Variants in LEKR1 observed in about 807,000 individuals in gnomAD.
LEKR1 encodes the protein protein LEKR1.
In LEKR1, 59 loss-of-function variants were observed where a neutral mutation model predicts 72.4. The observed-to-expected ratio is 0.82, with a 90% CI of 0.66 to 1.01. The LOEUF (loss-of-function observed/expected upper bound fraction) is 1.01, where lower values mean the gene tolerates loss of function less well. Among genes scored for constraint, LEKR1 ranks in the 50% least tolerant of loss-of-function variants. LEKR1 has a pLI of 0.00. For synonymous variants in LEKR1, 257 were observed against 263.2 expected, an observed-to-expected ratio of 0.98 and a Z score of 0.23; for missense variants, 728 against 759.2, an observed-to-expected ratio of 0.96 and a Z score of 0.48.
intron 2 of LEKR1, among the ~76,000 whole-genome samples, chr3:156,846,242 G>A (rs1055051643): frequency 6.6e-6 from 1 of 152,052 alleles, no homozygotes; most frequent in East Asian, 1.9e-4. Context: ...TTTCTATGTA[G>A]ATAATTATGC....
At chr3:156,827,291 A>G (rs541536571) in intron 1 of LEKR1, among the ~76,000 whole-genome samples, 1 of 152,294 alleles carries the variant, frequency 6.6e-6, no homozygotes, top group East Asian at 1.9e-4. Context: ...AAATGTAAAC[A>G]TCAAGGAAGA....
chr3:156,991,282 TC>T (rs1328111372), intron 7 of LEKR1, among the ~76,000 whole-genome samples: 61 of 152,142 alleles, frequency 4.0e-4, no homozygotes, highest in Middle Eastern at 3.4e-3. Flanking sequence ...TGGATGGTAA[TC>T]ACCAGAGTAT....
At chr3:156,918,454 A>G (rs144393504) in intron 3 of LEKR1, among the ~76,000 whole-genome samples, 1 of 152,266 alleles carries the variant, frequency 6.6e-6, no homozygotes, top group African/African-American at 2.4e-5. Flanking sequence ...CTGGCCTGGA[A>G]TGGGAATGTA....
chr3:156,932,549 C>T (rs2108577422), intron 5 of LEKR1, among the ~76,000 whole-genome samples: 1 of 152,006 alleles, frequency 6.6e-6, no homozygotes, highest in East Asian at 1.9e-4. Context: ...CCTCTCTCTA[C>T]TAAAAATACA....
intron 3 of LEKR1, among the ~76,000 whole-genome samples, chr3:156,898,403 T>C (rs1417328998): frequency 6.6e-6 from 1 of 152,090 alleles, no homozygotes; most frequent in Non-Finnish European, 1.5e-5. Flanking sequence ...AAATCAGAGC[T>C]TAGTCCTCAA....
intron 4 of LEKR1, chr3:156,924,825 C>T (rs1724552285): frequency 3.8e-6 from 1 of 261,722 alleles, no homozygotes; most frequent in African/African-American, 2.2e-5. Context: ...ATGTCAGTGC[C>T]ACACTCTCTT....
intron 3 of LEKR1, among the ~76,000 whole-genome samples, chr3:156,860,491 G>A (rs1381772908): frequency 1.3e-5 from 2 of 152,150 alleles, no homozygotes; most frequent in Non-Finnish European, 2.9e-5. Context: ...GTCAGCCCAA[G>A]GATAGGGCTA....
chr3:157,028,484 G>A (rs1037697974), intron 12 of LEKR1, 82 bp downstream of exon 12: 4 of 1,230,908 alleles, frequency 3.2e-6, no homozygotes, highest in Non-Finnish European at 1.1e-6. Flanking sequence ...GTGAAAGGCA[G>A]CTTAGTTTCA....
intron 5 of LEKR1, among the ~76,000 whole-genome samples, chr3:156,930,063 G>A (rs1725067335): frequency 6.6e-6 from 1 of 152,158 alleles, no homozygotes; most frequent in Non-Finnish European, 1.5e-5. Context: ...GCATTTCACA[G>A]CTTTTCCAGT....
chr3:156,934,854 G>C lies in LEKR1; in HGVS notation c.559+7250G>C, dbSNP rs143069526. ...ACTTAAAATATATCATGAAAATATAGTCATGCCAATTAACTATGTTGACAG... is the reference window on the plus strand; with the variant it reads ...ACTTAAAATATATCATGAAAATATACTCATGCCAATTAACTATGTTGACAG... On this transcript the variant is annotated intron_variant, in intron 5 of 12. Coordinates refer to ENST00000356539, the MANE Select transcript of LEKR1 (RefSeq NM_001004316.3). Among the ~76,000 whole-genome samples, 265 of 151,948 alleles carry C rather than the reference G, an allele frequency of 1.7e-3. 3 individuals are homozygous for C. The highest frequency in any genetic ancestry group is 0.013 in the Admixed American group (193 of 15,256).
In LEKR1 at chr3:156,913,904, TA is replaced by T. The variant is rs1442563027; in HGVS notation, c.264-6667del. 5.9e-5 allele frequency among the ~76,000 whole-genome samples: 9 copies of T among 152,148 alleles called. No individual in the cohort carries two copies. In the South Asian group the frequency reaches 1.2e-3, roughly 21 times the overall value. Reference sequence around the variant, plus strand: ...TTTTAATTTTTTTAGGAGAAAATGATAAAATAAATACTCATTTACACAGATT... The same window carrying T: ...TTTTAATTTTTTTAGGAGAAAATGATAAATAAATACTCATTTACACAGATT... On this transcript the variant is annotated intron_variant, in intron 3 of 12. Coordinates refer to ENST00000356539, the MANE Select transcript of LEKR1 (RefSeq NM_001004316.3).
intron 3 of LEKR1, among the ~76,000 whole-genome samples, chr3:156,889,902 A>G (rs995356815): frequency 6.6e-5 from 10 of 152,244 alleles, no homozygotes; most frequent in African/African-American, 1.9e-4. Context: ...GTCCAACTAC[A>G]TAACGTATTA....
At chr3:156,857,358 C>T (rs188470319) in intron 3 of LEKR1, among the ~76,000 whole-genome samples, 1 of 152,208 alleles carries the variant, frequency 6.6e-6, no homozygotes, top group East Asian at 1.9e-4. Context: ...AAGTACTCTG[C>T]ACTATTCTAT....
chr3:156,965,984 A>G (rs9849604), intron 6 of LEKR1, among the ~76,000 whole-genome samples: 7,382 of 152,224 alleles, frequency 0.048, 635 homozygotes, highest in African/African-American at 0.17. Flanking sequence ...TATATGTATA[A>G]ATTATATCTA....
At chr3:156,904,362 AC>A (rs1722321749) in intron 3 of LEKR1, among the ~76,000 whole-genome samples, 1 of 150,954 alleles carries the variant, frequency 6.6e-6, no homozygotes, top group Non-Finnish European at 1.5e-5. Context: ...AATACACTAA[AC>A]CCTTTTGCCT....
At chr3:156,859,809 A>G (rs1471007906) in intron 3 of LEKR1, among the ~76,000 whole-genome samples, 1 of 152,200 alleles carries the variant, frequency 6.6e-6, no homozygotes, top group African/African-American at 2.4e-5. Flanking sequence ...CTTAGCAACC[A>G]CTGATCTATA....
intron 3 of LEKR1, among the ~76,000 whole-genome samples, chr3:156,914,773 T>C (rs1723439519): frequency 1.3e-5 from 2 of 152,186 alleles, no homozygotes; most frequent in Non-Finnish European, 2.9e-5. Flanking sequence ...GTTGTGCTTC[T>C]AGTACCTCAT....
At position 156,996,181 on chromosome 3, in the gene LEKR1, A is replaced by G. The variant is rs550573769; in HGVS notation, c.1109+2904A>G. 5.9e-5 allele frequency among the ~76,000 whole-genome samples: 9 copies of G among 152,218 alleles called. No homozygotes were observed. The South Asian group carries it at 8.3e-4, about 14-fold the overall frequency. ...AGTAAAACAAAAAAATAGAGAACTG[A>G]CTAGAATAATTATAAATTGTGATAA... On this transcript the variant is annotated intron_variant, in intron 9 of 12. Coordinates refer to ENST00000356539, the MANE Select transcript of LEKR1 (RefSeq NM_001004316.3).
intron 6 of LEKR1, among the ~76,000 whole-genome samples, chr3:156,963,698 C>T (rs1366162309): frequency 1.3e-5 from 2 of 152,088 alleles, no homozygotes; most frequent in East Asian, 1.9e-4. Flanking sequence ...TAGGTACCCC[C>T]TTACTATCAC....
Sources: gnomAD v4.1 joint callset for allele counts (sites outside exome capture counted in the v4.1 genomes callset) on GRCh38, gnomAD v4.1.1 for gene constraint, MANE v1.5 for transcripts, NCBI Gene and HGNC (gene_info 2026-07-23, HGNC 2026-07-21) for gene names.